Variants in SCAI observed in about 807,000 individuals in gnomAD.
SCAI encodes protein SCAI.
In SCAI, 24 loss-of-function variants were observed where a neutral mutation model predicts 92.2. That is an observed-to-expected ratio of 0.26 (90% CI 0.19 to 0.37). The LOEUF (loss-of-function observed/expected upper bound fraction) is 0.37. Ranked by LOEUF, SCAI falls within the 10% of genes least tolerant of loss-of-function variation. SCAI has a pLI of 1.00. For synonymous variants in SCAI, 261 were observed against 258.6 expected (o/e 1.01, Z -0.09); for missense variants, 450 against 736.2 (o/e 0.61, Z 4.50).
At chr9:125,070,929 C>T (rs1226647827) in intron 2 of SCAI, among the ~76,000 whole-genome samples, 2 of 152,026 alleles carry the variant, frequency 1.3e-5, no homozygotes, top group Non-Finnish European at 2.9e-5. Flanking sequence ...GGGAGGGACC[C>T]GGCGAGAGAT....
At chr9:125,143,034 C>A (rs1228025370) in intron 1 of SCAI, among the ~76,000 whole-genome samples, 1 of 151,270 alleles carries the variant, frequency 6.6e-6, no homozygotes, top group Non-Finnish European at 1.5e-5. Flanking sequence ...TGTGCCCACC[C>A]GTTCCCGACC....
At chr9:125,083,517 CAAAA>C (rs560240303) in intron 2 of SCAI, among the ~76,000 whole-genome samples, 1 of 49,128 alleles carries the variant, frequency 2.0e-5, no homozygotes, top group Non-Finnish European at 4.3e-5. Flanking sequence ...GACTCCATCT[CAAAA>C]AAAAAAAAAA....
chr9:125,100,771 A>G (rs1834661210), intron 2 of SCAI, among the ~76,000 whole-genome samples: 1 of 152,216 alleles, frequency 6.6e-6, no homozygotes. Flanking sequence ...AAAAGACCTC[A>G]CTAAGATGAC....
chr9:125,127,114 G>A (rs534431270), intron 2 of SCAI, among the ~76,000 whole-genome samples: 49 of 152,258 alleles, frequency 3.2e-4, no homozygotes, highest in African/African-American at 1.1e-3. Flanking sequence ...GCAACCCCAC[G>A]TCCTAGCAGT....
intron 2 of SCAI, among the ~76,000 whole-genome samples, chr9:125,126,153 C>T (rs917776679): frequency 1.3e-5 from 2 of 152,188 alleles, no homozygotes; most frequent in Non-Finnish European, 1.5e-5. Flanking sequence ...CAAGGCTCAA[C>T]TAGAGTAGGA....
intron 2 of SCAI, among the ~76,000 whole-genome samples, chr9:125,062,413 A>T (rs1164686814): frequency 1.3e-5 from 2 of 150,482 alleles, no homozygotes; most frequent in African/African-American, 4.9e-5. Flanking sequence ...GGCATGGGCC[A>T]CTGTGCCCAG....
chr9:125,047,700 C>T (rs372453868), intron 3 of SCAI, among the ~76,000 whole-genome samples: 8 of 152,150 alleles, frequency 5.3e-5, no homozygotes, highest in African/African-American at 1.9e-4. Flanking sequence ...AGCAAACAGC[C>T]ACACATGGCT....
chr9:125,007,754 C>T (rs530975620), intron 9 of SCAI, among the ~76,000 whole-genome samples: 3 of 152,036 alleles, frequency 2.0e-5, no homozygotes, highest in African/African-American at 4.8e-5. Context: ...ACTTCCCGGG[C>T]TCAAGTGATT....
chr9:125,060,036 C>T (rs754832444), intron 2 of SCAI, among the ~76,000 whole-genome samples: 69 of 152,148 alleles, frequency 4.5e-4, no homozygotes, highest in Non-Finnish European at 1.2e-4. Context: ...TACTTCTGAT[C>T]AAGTCAGTAG....
intron 2 of SCAI, among the ~76,000 whole-genome samples, chr9:125,085,887 G>A (rs1221336370): frequency 6.6e-6 from 1 of 152,152 alleles, no homozygotes; most frequent in Admixed American, 6.5e-5. Context: ...TGCTGACTGA[G>A]GATTCCTCCC....
rs369558159 is a variant in SCAI, at chr9:125,018,828, C to A, written c.832G>T (p.Ala278Ser). The change falls in exon 9 of 18, where the codon GCA becomes TCA. Residue 278 changes from alanine to serine, a missense_variant. By Grantham distance (99) the Ala-to-Ser change is moderately conservative. Transcript: ENST00000336505. Reference protein sequence around the residue: ...MIVGQLSLADALIIGNCNNQV... With the variant: ...MIVGQLSLADSLIIGNCNNQV... ...TTATTACAATTACCAATAATGAGTG[C>A]GTCAGCCAGAGACAACTGTCCCACA... The A allele has an allele frequency of 3.7e-6, 6 of 1,611,932 alleles. No individual in the cohort carries two copies. Among genetic ancestry groups the A allele is most frequent in the Middle Eastern group, 1.6e-4 (1 of 6,082 alleles).
intron 2 of SCAI, among the ~76,000 whole-genome samples, chr9:125,108,629 C>T (rs1478126208): frequency 2.8e-5 from 4 of 144,752 alleles, no homozygotes; most frequent in South Asian, 2.2e-4. Flanking sequence ...GGAGCCCCTC[C>T]GCCCGGCAGC....
At chr9:125,049,478 T>C (rs1422084465) in intron 3 of SCAI, among the ~76,000 whole-genome samples, 1 of 152,244 alleles carries the variant, frequency 6.6e-6, no homozygotes, top group Non-Finnish European at 1.5e-5. Context: ...AAGCTTTTTC[T>C]AACATTATTC....
chr9:124,995,127 A>G (rs980143356), intron 13 of SCAI, 112 bp from the exon 14 acceptor site: 13 of 697,248 alleles, frequency 1.9e-5, no homozygotes, highest in Non-Finnish European at 3.1e-5. Flanking sequence ...TGAGAGAAAA[A>G]CAAAGACTAG....
chr9:125,078,035 T>A (rs1278331733), intron 2 of SCAI, among the ~76,000 whole-genome samples: 1 of 152,192 alleles, frequency 6.6e-6, no homozygotes, highest in South Asian at 2.1e-4. Context: ...TGTATTTTTT[T>A]AATGGGTTTT....
At chr9:125,123,625 A>C (rs952604268) in intron 2 of SCAI, among the ~76,000 whole-genome samples, 1 of 152,092 alleles carries the variant, frequency 6.6e-6, no homozygotes, top group African/African-American at 2.4e-5. Flanking sequence ...AATACAAAAA[A>C]TTAGCCGGGC....
intron 2 of SCAI, among the ~76,000 whole-genome samples, chr9:125,098,368 C>G (rs1180656859): frequency 6.6e-6 from 1 of 152,042 alleles, no homozygotes; most frequent in African/African-American, 2.4e-5. Flanking sequence ...ATATTTAGAA[C>G]ATGACAGAAA....
chr9:124,996,901 A>G lies in SCAI; in HGVS notation c.1245-1886T>C, dbSNP rs563608961. On this transcript the variant is annotated intron_variant, in intron 13 of 17. Transcript: ENST00000336505. ...CACTTCGGCCTCCCAAAGTGCTGACATTACAGGCCTGAGCCACTGCACCCA... is the reference window on the plus strand; with the variant it reads ...CACTTCGGCCTCCCAAAGTGCTGACGTTACAGGCCTGAGCCACTGCACCCA... Among the ~76,000 whole-genome samples, 617 of 152,284 alleles carry G rather than the reference A, an allele frequency of 4.1e-3. 4 individuals are homozygous for G. Among genetic ancestry groups the G allele is most frequent in the Non-Finnish European group, 6.4e-3 (437 of 68,016 alleles).
intron 2 of SCAI, among the ~76,000 whole-genome samples, chr9:125,127,329 A>G (rs1264814124): frequency 6.6e-6 from 1 of 151,888 alleles, no homozygotes; most frequent in African/African-American, 2.4e-5. Flanking sequence ...GGAGGGGTGG[A>G]TCTCTATTAT....
Sources: gnomAD v4.1 joint callset for allele counts (sites outside exome capture counted in the v4.1 genomes callset) on GRCh38, gnomAD v4.1.1 for gene constraint, MANE v1.5 for transcripts, NCBI Gene and HGNC (gene_info 2026-07-23, HGNC 2026-07-21) for gene names.